The following GSG1L variants were observed in gnomAD, a reference collection of about 807,000 sequenced individuals.
The protein encoded by GSG1L is germ cell-specific gene 1-like protein.
Under a neutral mutation model 42.1 loss-of-function variants are expected in GSG1L, and 24 were observed. That is an observed-to-expected ratio of 0.57 (90% CI 0.41 to 0.80). The LOEUF (loss-of-function observed/expected upper bound fraction) is 0.80, where lower values mean the gene tolerates loss of function less well. Among genes scored for constraint, GSG1L ranks in the 30% least tolerant of loss-of-function variants. The probability of loss-of-function intolerance (pLI) is 0.00; values close to 1 mark genes in which losing one functional copy is unlikely to be tolerated. For synonymous variants in GSG1L, 215 were observed against 203.5 expected, an observed-to-expected ratio of 1.06 and a Z score of -0.48; for missense variants, 445 against 472.2, an observed-to-expected ratio of 0.94 and a Z score of 0.53.
At chr16:27,867,902 C>T (rs763073544) in intron 3 of GSG1L, among the ~76,000 whole-genome samples, 16 of 152,370 alleles carry the variant, frequency 1.1e-4, no homozygotes, top group African/African-American at 2.2e-4. Context: ...CCTGTCCCAA[C>T]CTCCTTGCGT....
chr16:27,935,070 T>G (rs937005496), intron 2 of GSG1L, among the ~76,000 whole-genome samples: 1 of 152,086 alleles, frequency 6.6e-6, no homozygotes, highest in East Asian at 1.9e-4. Context: ...CAAGGTGACT[T>G]GAGAAGGTGT....
At chr16:27,977,441 G>A (rs2085263128) in intron 1 of GSG1L, among the ~76,000 whole-genome samples, 1 of 151,752 alleles carries the variant, frequency 6.6e-6, no homozygotes, top group Admixed American at 6.6e-5. Context: ...GCGTGGCAGT[G>A]TGCACCTGTA....
chr16:28,054,022 C>T (rs1337596462), intron 1 of GSG1L, among the ~76,000 whole-genome samples: 1 of 152,114 alleles, frequency 6.6e-6, no homozygotes, highest in Non-Finnish European at 1.5e-5. Context: ...CGCAGCCTCC[C>T]TCTGCATCCT....
chr16:27,994,576 G>A (rs912017531), intron 1 of GSG1L, among the ~76,000 whole-genome samples: 29 of 152,082 alleles, frequency 1.9e-4, no homozygotes, highest in African/African-American at 6.0e-4. Flanking sequence ...ACACACACAC[G>A]TGCACATACA....
At chr16:27,849,051 C>A (rs2083474903) in intron 3 of GSG1L, among the ~76,000 whole-genome samples, 1 of 151,916 alleles carries the variant, frequency 6.6e-6, no homozygotes, top group Non-Finnish European at 1.5e-5. Flanking sequence ...CAAGAATTAG[C>A]CAGGTGTGGT....
chr16:27,999,776 C>G (rs1452840007), intron 1 of GSG1L, among the ~76,000 whole-genome samples: 1 of 152,154 alleles, frequency 6.6e-6, no homozygotes, highest in Non-Finnish European at 1.5e-5. Flanking sequence ...TGACTCATAT[C>G]CATGCAGTGA....
chr16:27,954,010 G>T (rs1298736381), intron 2 of GSG1L, among the ~76,000 whole-genome samples: 1 of 152,214 alleles, frequency 6.6e-6, no homozygotes, highest in African/African-American at 2.4e-5. Context: ...GGTGAAGACA[G>T]GACAATGGAC....
intron 3 of GSG1L, among the ~76,000 whole-genome samples, chr16:27,861,326 G>A (rs59126900): frequency 0.012 from 1,814 of 152,098 alleles, 36 homozygotes; most frequent in African/African-American, 0.041. Context: ...GCAGTGAGCC[G>A]AGATCGCGCC....
At chr16:27,833,491 C>G (rs967816574) in intron 4 of GSG1L, among the ~76,000 whole-genome samples, 1 of 152,020 alleles carries the variant, frequency 6.6e-6, no homozygotes, top group South Asian at 2.1e-4. Context: ...CTTTGCCTTC[C>G]CATATAAATT....
intron 3 of GSG1L, among the ~76,000 whole-genome samples, chr16:27,880,475 C>G (rs2083938882): frequency 6.6e-6 from 1 of 152,216 alleles, no homozygotes; most frequent in Non-Finnish European, 1.5e-5. Context: ...TTGAAGCCAA[C>G]TGGAGCTGGG....
intron 3 of GSG1L, among the ~76,000 whole-genome samples, chr16:27,868,682 T>TA (rs1024652952): frequency 5.9e-5 from 9 of 152,026 alleles, no homozygotes; most frequent in African/African-American, 1.4e-4. Context: ...GCTTCTCTTG[T>TA]AAAAAATCAG....
chr16:27,888,076 C>T, intron 2 of GSG1L: 4 of 984,694 alleles, frequency 4.1e-6, no homozygotes, highest in Non-Finnish European at 4.8e-6. Flanking sequence ...GATGCTGATG[C>T]TCCTATCGCT....
intron 2 of GSG1L, among the ~76,000 whole-genome samples, chr16:27,943,566 C>CTTTTTTT (rs11385465): frequency 3.1e-4 from 21 of 67,722 alleles, no homozygotes; most frequent in East Asian, 5.7e-4. Flanking sequence ...TTCTTTGTTT[C>CTTTTTTT]TTTTTTTTTT....
intron 1 of GSG1L, among the ~76,000 whole-genome samples, chr16:28,024,984 T>A (rs2085884183): frequency 6.6e-6 from 1 of 152,212 alleles, no homozygotes; most frequent in Non-Finnish European, 1.5e-5. Context: ...AGTGTTACCA[T>A]CACAGCTGTC....
intron 1 of GSG1L, among the ~76,000 whole-genome samples, chr16:28,045,933 T>G (rs149033982): frequency 0.026 from 3,894 of 151,968 alleles, 166 homozygotes; most frequent in African/African-American, 0.087. Flanking sequence ...GAGGCAGAGG[T>G]TGCAGTGAGC....
intron 5 of GSG1L, among the ~76,000 whole-genome samples, chr16:27,826,657 G>T (rs554883096): frequency 1.3e-5 from 2 of 152,262 alleles, no homozygotes; most frequent in African/African-American, 4.8e-5. Flanking sequence ...ATGGCAGAGC[G>T]TGCCCCAGGC....
At chr16:28,001,215 T>C (rs2085575034) in intron 1 of GSG1L, among the ~76,000 whole-genome samples, 1 of 152,180 alleles carries the variant, frequency 6.6e-6, no homozygotes, top group Non-Finnish European at 1.5e-5. Context: ...TCCATGCTGC[T>C]TTCTTCCCCA....
chr16:28,011,815 T>C (rs1276939116), intron 1 of GSG1L, among the ~76,000 whole-genome samples: 3 of 152,172 alleles, frequency 2.0e-5, no homozygotes, highest in African/African-American at 7.2e-5. Flanking sequence ...ACAGAAAGCT[T>C]CTATTTCGCT....
chr16:27,909,811 C>A (rs1040620272), intron 2 of GSG1L, among the ~76,000 whole-genome samples: 1 of 151,546 alleles, frequency 6.6e-6, no homozygotes, highest in African/African-American at 2.4e-5. Flanking sequence ...CCAGCCTGCA[C>A]CTAGATCTTT....
Sources: gnomAD v4.1 joint callset for allele counts (sites outside exome capture counted in the v4.1 genomes callset) on GRCh38, gnomAD v4.1.1 for gene constraint, MANE v1.5 for transcripts, NCBI Gene and HGNC (gene_info 2026-07-23, HGNC 2026-07-21) for gene names.